PIKFYVE: variants seen among roughly 807,000 people sequenced by gnomAD.
PIKFYVE encodes 1-phosphatidylinositol 3-phosphate 5-kinase.
A neutral mutation model predicts 257.9 loss-of-function variants in PIKFYVE; 122 were observed. The observed-to-expected ratio is 0.47, with a 90% CI of 0.41 to 0.55. The LOEUF (loss-of-function observed/expected upper bound fraction) is 0.55. Among genes scored for constraint, PIKFYVE ranks in the 20% least tolerant of loss-of-function variants. The pLI is 0.00. For missense variants in PIKFYVE, 2,160 were observed against 2,536.6 expected (o/e 0.85, Z 3.19); for synonymous variants, 892 against 868.9 (o/e 1.03, Z -0.47).
At position 208,298,717 on chromosome 2, in the gene PIKFYVE, C is replaced by T. The variant is rs1693297445; in HGVS notation, c.988C>T (p.Pro330Ser). Residue 330 changes from proline (P) to serine (S), a missense_variant, in exon 8 of 42, where the codon CCC (proline) becomes TCC (serine). Pro to Ser is a moderately conservative substitution (Grantham distance 74). Around this residue, in one of 12 missense-constraint regions of PIKFYVE, gnomAD observed 187 missense variants for 185.6 expected, o/e 1.01. Transcript: ENST00000264380. ...ACCTTCATATGAGACATCTGTCAGT[C>T]CCCAGGCTAACCGAACATATGTTAG... is the stretch of plus-strand genomic sequence containing the variant. ...MVPSYETSVS[P>S]QANRTYVRTE... The T allele has an allele frequency of 1.2e-6, 2 of 1,613,946 alleles. No homozygotes were observed. The highest frequency in any genetic ancestry group is 1.7e-6 in the Non-Finnish European group (2 of 1,179,952).
chr2:208,308,488 CTATTAT>C (rs1226541018), intron 12 of PIKFYVE, among the ~76,000 whole-genome samples: 2 of 152,012 alleles, frequency 1.3e-5, no homozygotes, highest in Admixed American at 6.6e-5. Flanking sequence ...ATACAATACA[CTATTAT>C]TAACTGTAGT....
intron 23 of PIKFYVE, among the ~76,000 whole-genome samples, chr2:208,331,579 G>A (rs760384864): frequency 3.3e-5 from 5 of 152,232 alleles, no homozygotes; most frequent in South Asian, 4.1e-4. Context: ...GTTTCACTAC[G>A]TTAGCCAGGC....
rs368936048 is a variant in PIKFYVE at position 208,329,794 on chromosome 2, C to T, written c.3720-48C>T. On this transcript the variant is annotated intron_variant, in intron 21 of 41. Transcript: ENST00000264380. ...TAATTTGTGGTCTCATGAAATGTCT[C>T]TGGGGCATGGTAATTCTTATGTTTC... The T allele has an allele frequency of 7.7e-5, 124 of 1,602,718 alleles. No homozygotes were observed. The African/African-American group carries it at 1.6e-3, about 20-fold the overall frequency.
chr2:208,324,428 T>C lies in PIKFYVE; in HGVS notation c.2331+146T>C, dbSNP rs906054429. On this transcript the variant is annotated intron_variant, in intron 18 of 41. Coordinates refer to ENST00000264380, the MANE Select transcript of PIKFYVE (RefSeq NM_015040.4). ...GACAGAAGATATGGCACCTATTTCA[T>C]TAAGATTCAGAATTTCAGACTGGAA... 1.4e-5 allele frequency: 12 copies of C among 848,590 alleles called. No individual in the cohort carries two copies. In the African/African-American group the frequency reaches 2.1e-4, roughly 15 times the overall value. The allele number at this position is 848,590 out of a possible 1,614,324, so 52.6% of individuals were successfully genotyped here.
Position 208,320,241 on chromosome 2 carries a change from A to AT in PIKFYVE, c.2083-5dup. ...CTTTAAACACTTTAACAAACTGTTC[A>AT]TTTTTTGTAGATGAGTTCTTGTATT... On this transcript the variant is annotated splice_polypyrimidine_tract_variant and intron_variant, in intron 16 of 41. Transcript: ENST00000264380. 7 of 1,609,872 alleles carry AT rather than the reference A, an allele frequency of 4.3e-6. No homozygotes were observed. The highest frequency in any genetic ancestry group is 5.9e-6 in the Non-Finnish European group (7 of 1,177,528).
chr2:208,335,278 T>C (rs1197240921), intron 24 of PIKFYVE, 28 bp from the exon 25 acceptor site: 1 of 1,448,648 alleles, frequency 6.9e-7, no homozygotes, highest in African/African-American at 1.4e-5. Context: ...TTTTTCATTT[T>C]CTATTGGTCC....
At chr2:208,280,751 C>T (rs1375723428) in intron 5 of PIKFYVE, among the ~76,000 whole-genome samples, 1 of 152,188 alleles carries the variant, frequency 6.6e-6, no homozygotes, top group Non-Finnish European at 1.5e-5. Context: ...GTTGGACTTA[C>T]AGCTACTTGA....
chr2:208,320,311 C>G lies in PIKFYVE; in HGVS notation c.2142C>G (p.Leu714=). Residue 714 remains leucine (L), a synonymous_variant, in exon 17 of 42, where the codon CTC becomes CTG. Transcript: ENST00000264380. ...ILLLKCSIEY[L]YREETKFTCI... is the part of the protein sequence containing the mutation. ...TGTTGAAGTGTTCCATTGAGTATCT[C>G]TACAGAGAAGAAACTAAGTTTACTT... 1 of 1,612,360 alleles carries G rather than the reference C, an allele frequency of 6.2e-7. No homozygotes were observed. Among genetic ancestry groups the G allele is most frequent in the Non-Finnish European group, 8.5e-7 (1 of 1,178,804 alleles).
intron 7 of PIKFYVE, among the ~76,000 whole-genome samples, chr2:208,292,746 A>G (rs1428373416): frequency 1.3e-5 from 2 of 152,158 alleles, no homozygotes; most frequent in Non-Finnish European, 2.9e-5. Context: ...GTGCATATTT[A>G]TGGGGTAAAT....
At chr2:208,272,183 C>T (rs142532490) in intron 2 of PIKFYVE, among the ~76,000 whole-genome samples, 10,639 of 151,058 alleles carry the variant, frequency 0.07, 482 homozygotes, top group Non-Finnish European at 0.1. Context: ...TGCAGTGAGC[C>T]GAGATTGCGC....
chr2:208,290,792 T>C (rs1036423557), intron 7 of PIKFYVE, among the ~76,000 whole-genome samples: 3 of 152,226 alleles, frequency 2.0e-5, no homozygotes, highest in African/African-American at 7.2e-5. Flanking sequence ...TTGTCAGTTT[T>C]GGATTTTGGC....
intron 7 of PIKFYVE, among the ~76,000 whole-genome samples, chr2:208,294,328 G>A (rs1055987333): frequency 6.6e-5 from 10 of 152,016 alleles, no homozygotes; most frequent in South Asian, 2.1e-4. Context: ...TTTACTTTTC[G>A]CATTAACACC....
rs983504174 is a variant in PIKFYVE, at chr2:208,351,440, T to C, written c.5700T>C (p.Asn1900=). 11 of 1,610,112 alleles carry C rather than the reference T, an allele frequency of 6.8e-6. No homozygotes were observed. Among genetic ancestry groups the C allele is most frequent in the Non-Finnish European group, 8.5e-6 (10 of 1,176,304 alleles). The part of the protein sequence containing the change: ...FAPHYFNYIT[N]AVQQKRPTAL... ...CACATTACTTCAATTATATTACAAA[T>C]GCTGTTCAACAAAAGGTAGAAATCT... is the stretch of plus-strand genomic sequence containing the variant. The change falls in exon 38 of 42, where the codon AAT becomes AAC. Residue 1900 remains asparagine (N), a synonymous_variant. Transcript: ENST00000264380.
chr2:208,266,739 A>C (rs1688683782), intron 1 of PIKFYVE, among the ~76,000 whole-genome samples: 1 of 152,200 alleles, frequency 6.6e-6, no homozygotes, highest in Admixed American at 6.5e-5. Flanking sequence ...GGAAGAGTAC[A>C]GTTACTTTTC....
intron 31 of PIKFYVE, among the ~76,000 whole-genome samples, chr2:208,341,048 C>T (rs1165177891): frequency 6.6e-6 from 1 of 151,982 alleles, no homozygotes; most frequent in Non-Finnish European, 1.5e-5. Flanking sequence ...CCCTCTGTCA[C>T]CCAGGCTGGA....
intron 35 of PIKFYVE, 104 bp downstream of exon 35, chr2:208,348,127 CT>C (rs1574749812): frequency 1.4e-6 from 2 of 1,396,696 alleles, no homozygotes; most frequent in East Asian, 4.7e-5. Flanking sequence ...AGTGCTGAAA[CT>C]GGGGCATTCC....
rs1696926931 is a variant in PIKFYVE, at chr2:208,326,420, G to T, written c.3609G>T (p.Trp1203Cys). The T allele has an allele frequency of 6.2e-7, 1 of 1,614,018 alleles. No individual in the cohort carries two copies. The change falls in exon 20 of 42, where the codon TGG (tryptophan) becomes TGT (cysteine). Residue 1203 changes from tryptophan (W) to cysteine (C), a missense_variant. By Grantham distance (215) the Trp-to-Cys change is radical. Transcript: ENST00000264380. The part of the protein sequence containing the change: ...ERGLILSDAV[W>C]STKVDCLNPI... ...GGCTTATTCTGAGTGATGCTGTGTG[G>T]TCAACAAAGGTGAGCCAGACCACTT... is the stretch of plus-strand genomic sequence containing the variant.
intron 27 of PIKFYVE, 53 bp from the exon 28 acceptor site, chr2:208,336,785 C>G (rs1474442533): frequency 1.6e-6 from 2 of 1,250,012 alleles, no homozygotes; most frequent in East Asian, 4.7e-5. Flanking sequence ...AAACAGCACT[C>G]AAGGGGCTAG....
At chr2:208,342,504 C>T (rs750727971) in intron 31 of PIKFYVE, 50 bp from the exon 32 acceptor site, 2 of 1,372,162 alleles carry the variant, frequency 1.5e-6, no homozygotes, top group South Asian at 1.2e-5. Context: ...TAATTATATT[C>T]TTAACTCTAG....
Sources: allele counts gnomAD v4.1 joint callset (sites outside exome capture counted in the v4.1 genomes callset), GRCh38; gene constraint gnomAD v4.1.1; regional missense constraint gnomAD v4.1.1; transcripts MANE v1.5; gene names NCBI Gene and HGNC (gene_info 2026-07-23, HGNC 2026-07-21).